Variants in PGM3 observed in about 807,000 individuals in gnomAD.
PGM3 encodes the protein phosphoacetylglucosamine mutase.
Under a neutral mutation model 66.2 loss-of-function variants are expected in PGM3, and 40 were observed. The observed-to-expected ratio is 0.60, with a 90% CI of 0.47 to 0.79. PGM3 has a LOEUF of 0.79. PGM3 is among the 30% of genes least tolerant of loss of function. The pLI, the probability that PGM3 is intolerant of heterozygous loss-of-function variation, is 0.00. For synonymous variants in PGM3, 191 were observed against 224.2 expected, an observed-to-expected ratio of 0.85 and a Z score of 1.32; for missense variants, 537 against 643.4, an observed-to-expected ratio of 0.83 and a Z score of 1.79.
At position 83,169,010 on chromosome 6, in the gene PGM3, C is replaced by A; in HGVS notation, c.*224G>T. On this transcript the variant is annotated 3_prime_UTR_variant, in exon 13 of 13. Coordinates refer to ENST00000513973, the MANE Select transcript of PGM3 (RefSeq NM_015599.3). ...TGTATACTTAAGTCCCAGTATTTTA[C>A]ATTAGTGAGACTGAAATTAGAGGTA... 7.5e-7 allele frequency: 1 copy of A among 1,337,038 alleles called. No homozygotes were observed. 82.8% of individuals were successfully genotyped at this position (1,337,038 alleles called of 1,614,324 possible).
chr6:83,170,600 T>C (rs1395807707), intron 11 of PGM3, 122 bp from the exon 12 acceptor site: 1 of 780,212 alleles, frequency 1.3e-6, no homozygotes. Flanking sequence ...AACTTCTTTC[T>C]CCAAGGTCAG....
intron 9 of PGM3, 21 bp from the exon 10 acceptor site, chr6:83,174,508 A>C: frequency 7.5e-7 from 1 of 1,341,986 alleles, no homozygotes. Flanking sequence ...AGAATATAAA[A>C]TCAGTCTCAA....
At chr6:83,157,202 C>T, downstream of PGM3, 2 of 1,613,276 alleles carry the variant, frequency 1.2e-6, no homozygotes, top group Non-Finnish European at 1.7e-6. Context: ...TGAGAGTCTC[C>T]GTTTGCCACA....
chr6:83,176,576 T>C (rs748384959), intron 8 of PGM3, among the ~76,000 whole-genome samples: 16 of 152,096 alleles, frequency 1.1e-4, no homozygotes, highest in Admixed American at 2.0e-4. Context: ...GGTTAAGAAA[T>C]GGAATGAGGA....
At chr6:83,156,193 A>AT, downstream of PGM3, 2 of 1,046,322 alleles carry the variant, frequency 1.9e-6, no homozygotes, top group Non-Finnish European at 2.7e-6. Context: ...TTGGGGTAAA[A>AT]TATATCAAGT....
downstream of PGM3, chr6:83,156,215 G>A (rs1009050536): frequency 1.0e-5 from 8 of 784,960 alleles, no homozygotes; most frequent in Non-Finnish European, 1.1e-5. Context: ...TAGATCAATC[G>A]GGAATTAGAA....
At chr6:83,159,222 A>G (rs1332113204), downstream of PGM3, among the ~76,000 whole-genome samples, 8 of 152,178 alleles carry the variant, frequency 5.3e-5, no homozygotes, top group Non-Finnish European at 8.8e-5. Context: ...TGAGTAAAAA[A>G]GTTTCTCGCT....
rs182616974 is a variant in PGM3, at chr6:83,191,852, G to A, written c.-2-838C>T. Among the ~76,000 whole-genome samples the A allele has an allele frequency of 2.4e-3, 358 of 151,200 alleles. 1 individual carries two copies. The highest frequency in any genetic ancestry group is 8.4e-3 in the African/African-American group (344 of 41,182). On this transcript the variant is annotated intron_variant, in intron 1 of 12. Coordinates refer to ENST00000513973, the MANE Select transcript of PGM3 (RefSeq NM_015599.3). ...AAAAATACAAAAAAATTAGTCGGGC[G>A]TGTTAGCTGGCGCCTGTAATCCCAG...
At chr6:83,190,651 T>C (rs1788973007) in intron 2 of PGM3, 158 bp downstream of exon 2, 1 of 620,042 alleles carries the variant, frequency 1.6e-6, no homozygotes, top group Non-Finnish European at 2.9e-6. Flanking sequence ...TTAATGATCA[T>C]GCTCTTAAAA....
chr6:83,169,424 T>G, intron 12 of PGM3, 101 bp from the exon 13 acceptor site: 1 of 1,368,750 alleles, frequency 7.3e-7, no homozygotes, highest in East Asian at 2.4e-5. Flanking sequence ...GAGGGGTGAT[T>G]CTTGATTTTG....
chr6:83,169,181 G>T lies in PGM3; in HGVS notation c.*53C>A. On this transcript the variant is annotated 3_prime_UTR_variant, in exon 13 of 13. Transcript: ENST00000513973. ...CTTAGTACTGCCATTATTATTGACA[G>T]TTTTGTAAAGACTTGTAAAAAGTCC... 1 of 1,605,444 alleles carries T rather than the reference G, an allele frequency of 6.2e-7. No individual in the cohort carries two copies. The highest frequency in any genetic ancestry group is 1.1e-5 in the South Asian group (1 of 90,044).
Position 83,178,750 on chromosome 6 carries a change from C to T in PGM3, c.952G>A (p.Glu318Lys). 6.4e-7 allele frequency: 1 copy of T among 1,558,800 alleles called. No homozygotes were observed. Among genetic ancestry groups the T allele is most frequent in the Non-Finnish European group, 8.9e-7 (1 of 1,129,768 alleles). The change falls in exon 8 of 13, where the codon GAA becomes AAA. Residue 318 changes from glutamate (E) to lysine (K), a missense_variant. Glu to Lys is a moderately conservative substitution (Grantham distance 56, BLOSUM62 1). Coordinates refer to ENST00000513973, the MANE Select transcript of PGM3 (RefSeq NM_015599.3). ...TGTACAACACCAATATTCAAACTTT[C>T]TCCAATCTAGACAAAAACAATGATA... The part of the protein sequence containing the change: ...FLKELLVEIG[E>K]SLNIGVVQTA...
downstream of PGM3, chr6:83,157,434 C>T: frequency 9.3e-7 from 1 of 1,074,744 alleles, no homozygotes; most frequent in Admixed American, 2.3e-5. Flanking sequence ...GTAGTTAAAC[C>T]AGTTACTGAT....
At chr6:83,164,830 G>C, downstream of PGM3, 1 of 833,984 alleles carries the variant, frequency 1.2e-6, no homozygotes, top group Non-Finnish European at 1.9e-6. Flanking sequence ...CAGGAAGGAA[G>C]TCTTTTTTCA....
chr6:83,169,172 T>G lies in PGM3; in HGVS notation c.*62A>C. 1.9e-6 allele frequency: 3 copies of G among 1,595,530 alleles called. No individual in the cohort carries two copies. The highest frequency in any genetic ancestry group is 1.7e-6 in the Non-Finnish European group (2 of 1,168,274). On this transcript the variant is annotated 3_prime_UTR_variant, in exon 13 of 13. Coordinates refer to ENST00000513973, the MANE Select transcript of PGM3 (RefSeq NM_015599.3). ...TATAAATCTCTTAGTACTGCCATTA[T>G]TATTGACAGTTTTGTAAAGACTTGT...
chr6:83,161,387 A>G (rs1784198545), downstream of PGM3: 1 of 152,212 alleles, frequency 6.6e-6, no homozygotes, highest in Non-Finnish European at 1.5e-5. Context: ...CCATATTTGG[A>G]AAGTTCAAAA....
intron 8 of PGM3, among the ~76,000 whole-genome samples, chr6:83,177,818 G>A (rs959796520): frequency 2.0e-5 from 3 of 152,068 alleles, no homozygotes; most frequent in Admixed American, 6.6e-5. Flanking sequence ...GGTAATATGT[G>A]ACCGCCCTGG....
rs986053670 is a variant in PGM3, at chr6:83,169,516, C to T, written c.1540-193G>A. 11 of 601,144 alleles carry T rather than the reference C, an allele frequency of 1.8e-5. No individual in the cohort carries two copies. The Admixed American group carries it at 2.4e-4, about 13-fold the overall frequency. The allele number at this position is 601,144 out of a possible 1,614,324, so 37.2% of individuals were successfully genotyped here. A position where few individuals can be genotyped will look rare whatever the true frequency, so the allele number is the denominator to read the frequency against. On this transcript the variant is annotated intron_variant, in intron 12 of 12. Transcript: ENST00000513973. ...AGCCCTTAAATAAACGGAAAACAGA[C>T]CAAATTCTTCTAAATAAGGTAAGTT...
intron 11 of PGM3, among the ~76,000 whole-genome samples, chr6:83,171,653 G>C (rs1240275669): frequency 4.9e-5 from 7 of 144,080 alleles, no homozygotes; most frequent in Admixed American, 2.7e-4. Flanking sequence ...ACCACGCCCA[G>C]CTAATTTTTG....
Sources: gnomAD v4.1 joint callset for allele counts (sites outside exome capture counted in the v4.1 genomes callset) on GRCh38, gnomAD v4.1.1 for gene constraint, MANE v1.5 for transcripts, NCBI Gene and HGNC (gene_info 2026-07-23, HGNC 2026-07-21) for gene names.